GCNT4: variants seen among roughly 807,000 people sequenced by gnomAD.
GCNT4 encodes the protein glucosaminyl (N-acetyl) transferase 4.
A neutral mutation model predicts 31.3 loss-of-function variants in GCNT4; 17 were observed. That is an observed-to-expected ratio of 0.54 (90% CI 0.37 to 0.81). GCNT4 has a LOEUF of 0.81. Among genes scored for constraint, GCNT4 ranks in the 40% least tolerant of loss-of-function variants. The pLI is 0.00. For synonymous variants in GCNT4, 158 were observed against 190.6 expected (o/e 0.83, Z 1.41); for missense variants, 503 against 525.5 (o/e 0.96, Z 0.42).
In GCNT4 at chr5:75,025,778, C is replaced by A. The variant is rs938412284; in HGVS notation, c.*2898G>T. 8 of 152,012 alleles carry A rather than the reference C, an allele frequency of 5.3e-5. No individual in the cohort carries two copies. Among genetic ancestry groups the A allele is most frequent in the Admixed American group, 3.3e-4 (5 of 15,252 alleles). The allele number at this position is 152,012 out of a possible 1,614,324, so 9.4% of individuals were successfully genotyped here. On this transcript the variant is annotated 3_prime_UTR_variant, in exon 4 of 4. Coordinates refer to ENST00000652361, the MANE Select transcript of GCNT4 (RefSeq NM_001366737.1). ...CTGGTCTTTAAACACGTCTAATATCCCAAGAGATTGTTCACACAATATAGA... is the reference window on the plus strand; with the variant it reads ...CTGGTCTTTAAACACGTCTAATATCACAAGAGATTGTTCACACAATATAGA...
chr5:75,046,007 C>T (rs1419901223), intron 3 of GCNT4, among the ~76,000 whole-genome samples: 1 of 152,120 alleles, frequency 6.6e-6, no homozygotes, highest in Non-Finnish European at 1.5e-5. Context: ...ATGTTCAATT[C>T]AATGTTCAAC....
intron 3 of GCNT4, among the ~76,000 whole-genome samples, chr5:75,036,765 G>A (rs570180629): frequency 2.6e-5 from 4 of 152,272 alleles, no homozygotes; most frequent in Non-Finnish European, 5.9e-5. Context: ...CTTCCAGCCC[G>A]TAGAATCAAT....
At chr5:75,043,873 T>C (rs1286535386) in intron 3 of GCNT4, among the ~76,000 whole-genome samples, 1 of 152,224 alleles carries the variant, frequency 6.6e-6, no homozygotes, top group Non-Finnish European at 1.5e-5. Context: ...CATTCCTATA[T>C]ATAGCCAAGT....
In GCNT4 at chr5:75,026,647, C is replaced by CAAAAAAAAAAAAAAAAAAAA. The variant is rs547466422; in HGVS notation, c.*2009_*2028dup. 1.5e-5 allele frequency: 1 copy of CAAAAAAAAAAAAAAAAAAAA among 65,804 alleles called. No homozygotes were observed. Among genetic ancestry groups the CAAAAAAAAAAAAAAAAAAAA allele is most frequent in the African/African-American group, 5.2e-5 (1 of 19,176 alleles). The allele number at this position is 65,804 out of a possible 1,614,324, so 4.1% of individuals were successfully genotyped here. A position where few individuals can be genotyped will look rare whatever the true frequency, so the allele number is the denominator to read the frequency against. ...CATATACTATTTCAATCGATTCTCA[C>CAAAAAAAAAAAAAAAAAAAA]AAAAAAAAAAAAAAAAAAAAAAAAA... is the stretch of plus-strand genomic sequence containing the variant. On this transcript the variant is annotated 3_prime_UTR_variant, in exon 4 of 4. Coordinates refer to ENST00000652361, the MANE Select transcript of GCNT4 (RefSeq NM_001366737.1).
chr5:75,053,875 C>G (rs1743649478), upstream of GCNT4, among the ~76,000 whole-genome samples: 1 of 152,226 alleles, frequency 6.6e-6, no homozygotes, highest in Non-Finnish European at 1.5e-5. Context: ...CCACATTAGA[C>G]AAGAAATCTG....
At chr5:75,020,279 C>T in the GCNT4 span, among the ~76,000 whole-genome samples, 2 of 152,166 alleles carry the variant, frequency 1.3e-5, no homozygotes, top group Non-Finnish European at 2.9e-5. Flanking sequence ...CATGGCACGG[C>T]ACGGCATGGC....
At chr5:75,051,632 A>T (rs1427669562) in intron 2 of GCNT4, among the ~76,000 whole-genome samples, 2 of 152,122 alleles carry the variant, frequency 1.3e-5, no homozygotes, top group Middle Eastern at 3.2e-3. Context: ...ATTCAAAGTC[A>T]GTTTGGGAAG....
At position 75,028,783 on chromosome 5, in the gene GCNT4, T is replaced by C. The variant is rs748459508; in HGVS notation, c.1255A>G (p.Ile419Val). 32 of 1,613,954 alleles carry C rather than the reference T, an allele frequency of 2.0e-5. No individual in the cohort carries two copies. Among genetic ancestry groups the C allele is most frequent in the Non-Finnish European group, 2.5e-5 (30 of 1,180,000 alleles). ...ANKFDSKVDPILIKCLAEKLE... is the reference protein window; with the variant it reads ...ANKFDSKVDPVLIKCLAEKLE... Reference sequence around the variant, plus strand: ...TTTTCTGCCAAGCATTTAATCAAGATAGGGTCCACCTTAGAATCAAATTTA... The same window carrying C: ...TTTTCTGCCAAGCATTTAATCAAGACAGGGTCCACCTTAGAATCAAATTTA... Residue 419 changes from isoleucine (I) to valine (V), a missense_variant, in exon 4 of 4, where the codon ATC (isoleucine) becomes GTC (valine). Transcript: ENST00000652361.
rs148918204 is a variant in GCNT4 at position 75,050,305 on chromosome 5, A to G, written c.-143+1864T>C. Among the ~76,000 whole-genome samples the G allele has an allele frequency of 2.5e-3, 382 of 152,332 alleles. 2 individuals are homozygous for G. The highest frequency in any genetic ancestry group is 8.7e-3 in the African/African-American group (362 of 41,566). Reference sequence around the variant, plus strand: ...TGACAGTTTACATTACATGAGCTTGATATCAAAATACCATCGCAATCCAAG... The same window carrying G: ...TGACAGTTTACATTACATGAGCTTGGTATCAAAATACCATCGCAATCCAAG... On this transcript the variant is annotated intron_variant, in intron 2 of 3. Transcript: ENST00000652361.
At chr5:75,043,374 C>T (rs1267815877) in intron 3 of GCNT4, among the ~76,000 whole-genome samples, 3 of 152,196 alleles carry the variant, frequency 2.0e-5, no homozygotes, top group Non-Finnish European at 2.9e-5. Context: ...CAACATCCAT[C>T]CTCTCTTCTT....
chr5:75,030,330 G>T, intron 3 of GCNT4: 1 of 300,764 alleles, frequency 3.3e-6, no homozygotes, highest in Non-Finnish European at 6.5e-6. Flanking sequence ...GTCTTATATT[G>T]TCTGCATTTC....
At chr5:75,035,236 G>C (rs1174703861) in intron 3 of GCNT4, among the ~76,000 whole-genome samples, 1 of 152,270 alleles carries the variant, frequency 6.6e-6, no homozygotes, top group African/African-American at 2.4e-5. Flanking sequence ...ACCATTAGCA[G>C]CTCTTCAACT....
At chr5:75,020,282 G>A in the GCNT4 span, among the ~76,000 whole-genome samples, 11 of 152,182 alleles carry the variant, frequency 7.2e-5, no homozygotes, top group African/African-American at 2.2e-4. Flanking sequence ...GGCACGGCAC[G>A]GCATGGCACG....
Position 75,028,601 on chromosome 5 carries a change from G to T in GCNT4, c.*75C>A. On this transcript the variant is annotated 3_prime_UTR_variant, in exon 4 of 4. Transcript: ENST00000652361. Reference sequence around the variant, plus strand: ...GGGAGGACTGAGTTTAAACAGTATTGGGCATAGTATGGTATTCAATTCCAC... The same window carrying T: ...GGGAGGACTGAGTTTAAACAGTATTTGGCATAGTATGGTATTCAATTCCAC... The T allele has an allele frequency of 3.0e-6, 4 of 1,347,262 alleles. No homozygotes were observed. Among genetic ancestry groups the T allele is most frequent in the Non-Finnish European group, 4.1e-6 (4 of 977,446 alleles). The allele number at this position is 1,347,262 out of a possible 1,614,324, so 83.5% of individuals were successfully genotyped here. A position where few individuals can be genotyped will look rare whatever the true frequency, so the allele number is the denominator to read the frequency against.
At chr5:75,043,333 A>C (rs1743361557) in intron 3 of GCNT4, among the ~76,000 whole-genome samples, 1 of 152,228 alleles carries the variant, frequency 6.6e-6, no homozygotes, top group Non-Finnish European at 1.5e-5. Context: ...AGGGTTTTAC[A>C]TATGGCTCTG....
At chr5:75,052,258 A>AG (rs994293096) in intron 1 of GCNT4, 31 bp from the exon 2 acceptor site, 4 of 151,402 alleles carry the variant, frequency 2.6e-5, no homozygotes, top group African/African-American at 9.7e-5. Flanking sequence ...AAAAAAAAAA[A>AG]AAAGAAAAAG....
At chr5:75,035,331 G>A (rs1448307510) in intron 3 of GCNT4, among the ~76,000 whole-genome samples, 1 of 152,236 alleles carries the variant, frequency 6.6e-6, no homozygotes, top group East Asian at 1.9e-4. Context: ...AAGGGGAATG[G>A]TAAGTCAAGA....
chr5:75,049,086 A>T (rs2149978402), intron 2 of GCNT4, among the ~76,000 whole-genome samples: 1 of 152,304 alleles, frequency 6.6e-6, no homozygotes, highest in South Asian at 2.1e-4. Flanking sequence ...TTCTCAGTAA[A>T]TCCACATTGG....
chr5:75,043,562 T>C (rs1400767952), intron 3 of GCNT4, among the ~76,000 whole-genome samples: 4 of 152,202 alleles, frequency 2.6e-5, no homozygotes, highest in Non-Finnish European at 5.9e-5. Context: ...TCTTCCACTT[T>C]TCTGCCTGGA....
Sources: gnomAD v4.1 joint callset for allele counts (sites outside exome capture counted in the v4.1 genomes callset) on GRCh38, gnomAD v4.1.1 for gene constraint, MANE v1.5 for transcripts, NCBI Gene and HGNC (gene_info 2026-07-23, HGNC 2026-07-21) for gene names.